CPED1: variants seen among roughly 807,000 people sequenced by gnomAD.
CPED1 encodes cadherin like and PC-esterase domain containing 1.
Under a neutral mutation model 128.2 loss-of-function variants are expected in CPED1, and 114 were observed. The observed-to-expected ratio is 0.89, with a 90% CI of 0.76 to 1.04. The LOEUF is 1.04. Among genes scored for constraint, CPED1 ranks in the 50% least tolerant of loss-of-function variants. The pLI is 0.00. For missense variants in CPED1, 1,211 were observed against 1,207.1 expected (o/e 1.00, Z -0.05); for synonymous variants, 462 against 426.7 (o/e 1.08, Z -1.02).
intron 14 of CPED1, among the ~76,000 whole-genome samples, chr7:121,136,894 C>T (rs1410462251): frequency 6.6e-6 from 1 of 151,958 alleles, no homozygotes; most frequent in Non-Finnish European, 1.5e-5. Flanking sequence ...CATAGCAAGA[C>T]ACTGTCTCCA....
At chr7:121,180,004 C>T (rs1796866495) in intron 16 of CPED1, among the ~76,000 whole-genome samples, 1 of 151,964 alleles carries the variant, frequency 6.6e-6, no homozygotes, top group African/African-American at 2.4e-5. Context: ...AACTGATTTA[C>T]TGTTATGTTT....
At chr7:120,990,009 A>T (rs748573116) in intron 2 of CPED1, 139 bp downstream of exon 2, 103 of 974,546 alleles carry the variant, frequency 1.1e-4, no homozygotes, top group Non-Finnish European at 1.0e-4. Context: ...GAGTGACCTG[A>T]TGACTGGGAA....
intron 7 of CPED1, among the ~76,000 whole-genome samples, chr7:121,114,352 A>G (rs1795184227): frequency 6.6e-6 from 1 of 152,202 alleles, no homozygotes; most frequent in Non-Finnish European, 1.5e-5. Context: ...GCTGAACCCA[A>G]GAGCTCAATG....
At chr7:121,227,118 G>A (rs1357481272) in intron 16 of CPED1, among the ~76,000 whole-genome samples, 1 of 152,052 alleles carries the variant, frequency 6.6e-6, no homozygotes, top group Non-Finnish European at 1.5e-5. Flanking sequence ...TTATATTGGA[G>A]GTCATTCCAG....
intron 4 of CPED1, among the ~76,000 whole-genome samples, chr7:121,047,689 T>G (rs1389029557): frequency 9.7e-6 from 1 of 103,590 alleles, no homozygotes; most frequent in Non-Finnish European, 1.9e-5. Flanking sequence ...CTTCTTCTTC[T>G]TCTTCTTCTT....
At chr7:121,030,514 C>G (rs1316438821) in intron 3 of CPED1, among the ~76,000 whole-genome samples, 4 of 152,226 alleles carry the variant, frequency 2.6e-5, no homozygotes, top group African/African-American at 9.6e-5. Flanking sequence ...TCTAACATCT[C>G]CATGCTGTAG....
chr7:121,275,898 T>G (rs1792320418), intron 22 of CPED1, among the ~76,000 whole-genome samples: 1 of 150,804 alleles, frequency 6.6e-6, no homozygotes, highest in Non-Finnish European at 1.5e-5. Flanking sequence ...TAACCACAAT[T>G]TAAAAATTAA....
At chr7:121,047,691 CTTCTTCTTCTTCTTCTTCTTCTTCTT>C (rs1242471768) in intron 4 of CPED1, among the ~76,000 whole-genome samples, 3 of 17,136 alleles carry the variant, frequency 1.8e-4, no homozygotes, top group Admixed American at 8.1e-4. Flanking sequence ...TCTTCTTCTT[CTTCTTCTTCTTCTTCTTCTTCTTCTT>C]TTTTTTTTTT....
chr7:121,241,406 G>T (rs1798392185), intron 17 of CPED1, among the ~76,000 whole-genome samples: 1 of 138,234 alleles, frequency 7.2e-6, no homozygotes, highest in Non-Finnish European at 1.6e-5. Flanking sequence ...AACAGAATTG[G>T]ATGGAAAAAT....
intron 5 of CPED1, among the ~76,000 whole-genome samples, chr7:121,092,086 T>G (rs1192122243): frequency 6.6e-6 from 1 of 152,164 alleles, no homozygotes; most frequent in Non-Finnish European, 1.5e-5. Flanking sequence ...ATGCTCATTG[T>G]GGGTTCCAGG....
At chr7:121,271,598 A>C (rs951048727) in intron 22 of CPED1, among the ~76,000 whole-genome samples, 168 bp downstream of exon 22, 1 of 152,166 alleles carries the variant, frequency 6.6e-6, no homozygotes, top group Admixed American at 6.6e-5. Flanking sequence ...TAGTAACCAC[A>C]ACTTTAGCTC....
chr7:121,080,183 C>T (rs932734592), intron 5 of CPED1, among the ~76,000 whole-genome samples: 1 of 151,846 alleles, frequency 6.6e-6, no homozygotes, highest in Non-Finnish European at 1.5e-5. Context: ...ATTTGGTTAT[C>T]CTGTTCACCT....
At chr7:121,142,765 C>G (rs999882342) in intron 16 of CPED1, among the ~76,000 whole-genome samples, 3 of 151,990 alleles carry the variant, frequency 2.0e-5, no homozygotes, top group African/African-American at 7.2e-5. Context: ...TTTTAAGGAT[C>G]CCATGTATAA....
chr7:121,138,155 T>TTAAGAGTC (rs1795824123), intron 14 of CPED1, among the ~76,000 whole-genome samples: 2 of 152,102 alleles, frequency 1.3e-5, no homozygotes, highest in Non-Finnish European at 2.9e-5. Context: ...GGGATTATCT[T>TTAAGAGTC]TAAGAGTCTA....
At chr7:121,150,479 T>C (rs35682088) in intron 16 of CPED1, among the ~76,000 whole-genome samples, 31,154 of 151,920 alleles carry the variant, frequency 0.21, 3,901 homozygotes, top group African/African-American at 0.35. Flanking sequence ...GTTGATTCCA[T>C]GTCTTTGCTA....
At chr7:121,112,154 G>T (rs1055263112) in intron 7 of CPED1, among the ~76,000 whole-genome samples, 14 of 152,138 alleles carry the variant, frequency 9.2e-5, no homozygotes, top group Non-Finnish European at 1.8e-4. Flanking sequence ...ACTTGAAAAG[G>T]CCAAGTCCTT....
At chr7:121,096,910 T>C (rs541147091) in intron 5 of CPED1, among the ~76,000 whole-genome samples, 7 of 152,130 alleles carry the variant, frequency 4.6e-5, no homozygotes, top group African/African-American at 7.2e-5. Context: ...TGTAGATACA[T>C]TGATATTTAT....
At chr7:121,113,883 C>T (rs1795172513) in intron 7 of CPED1, among the ~76,000 whole-genome samples, 1 of 151,940 alleles carries the variant, frequency 6.6e-6, no homozygotes, top group South Asian at 2.1e-4. Flanking sequence ...GGCTTGAGTG[C>T]AGTTGCACGA....
Position 120,990,451 on chromosome 7 carries a change from G to A in CPED1, c.249+581G>A, listed in dbSNP as rs113826508. ...ATGTATTTTATTGTTTATAGGATCAGGGAAATACAGATTATTCTATATTTA... is the reference window on the plus strand; with the variant it reads ...ATGTATTTTATTGTTTATAGGATCAAGGAAATACAGATTATTCTATATTTA... On this transcript the variant is annotated intron_variant, in intron 2 of 22. Coordinates refer to ENST00000310396, the MANE Select transcript of CPED1 (RefSeq NM_024913.5). Among the ~76,000 whole-genome samples, 753 of 152,084 alleles carry A rather than the reference G, an allele frequency of 5.0e-3. 1 individual carries two copies. The highest frequency in any genetic ancestry group is 7.2e-3 in the Admixed American group (110 of 15,268).
Sources: allele counts gnomAD v4.1 joint callset (sites outside exome capture counted in the v4.1 genomes callset), GRCh38; gene constraint gnomAD v4.1.1; transcripts MANE v1.5; gene names NCBI Gene and HGNC (gene_info 2026-07-23, HGNC 2026-07-21).